NAPG: variants seen among roughly 807,000 people sequenced by gnomAD.
NAPG encodes NSF attachment protein gamma.
A neutral mutation model predicts 48.4 loss-of-function variants in NAPG; 25 were observed. The ratio of observed to expected loss-of-function variants is 0.52; its 90% CI spans 0.38 to 0.72. The LOEUF is 0.72. Among genes scored for constraint, NAPG ranks in the 30% least tolerant of loss-of-function variants. The pLI, the probability that NAPG is intolerant of heterozygous loss-of-function variation, is 0.00. For missense variants in NAPG, 359 were observed against 372.5 expected (o/e 0.96, Z 0.30); for synonymous variants, 139 against 127.2 (o/e 1.09, Z -0.62).
chr18:10,540,288 C>T, intron 7 of NAPG, 41 bp from the exon 8 acceptor site: 2 of 1,548,470 alleles, frequency 1.3e-6, no homozygotes, highest in Non-Finnish European at 1.8e-6. Context: ...AACATTTCAA[C>T]ATTAAAGCAG....
intron 1 of NAPG, among the ~76,000 whole-genome samples, chr18:10,528,224 G>A (rs1453409285): frequency 6.6e-6 from 1 of 152,084 alleles, no homozygotes; most frequent in African/African-American, 2.4e-5. Flanking sequence ...AAAAAGAAAT[G>A]TGGCAGCAGT....
intron 2 of NAPG, among the ~76,000 whole-genome samples, chr18:10,531,772 T>C (rs189824320): frequency 6.6e-6 from 1 of 152,212 alleles, no homozygotes; most frequent in Non-Finnish European, 1.5e-5. Flanking sequence ...GTGAGGGAAA[T>C]TTAACACAGA....
chr18:10,543,557 A>C lies in NAPG; in HGVS notation c.507-2769A>C, dbSNP rs1236626754. On this transcript the variant is annotated intron_variant, in intron 8 of 11. Transcript: ENST00000322897. The surrounding 1 kb of genome is among the most constrained non-coding windows in gnomAD (Gnocchi z 4.4). ...TAGTTAAAAATAGGTTTTGGAGTTCAGGAAATAGTTGGGGCCAGAGGAACA... is the reference window on the plus strand; with the variant it reads ...TAGTTAAAAATAGGTTTTGGAGTTCCGGAAATAGTTGGGGCCAGAGGAACA... 6.6e-6 allele frequency among the ~76,000 whole-genome samples: 1 copy of C among 152,248 alleles called. No homozygotes were observed. Among genetic ancestry groups the C allele is most frequent in the African/African-American group, 2.4e-5 (1 of 41,472 alleles).
rs1344753872 is a variant in NAPG at position 10,542,479 on chromosome 18, G to GC, written c.506+2080_506+2081insC. Among the ~76,000 whole-genome samples, 1 of 152,126 alleles carries GC rather than the reference G, an allele frequency of 6.6e-6. No individual in the cohort carries two copies. Among genetic ancestry groups the GC allele is most frequent in the African/African-American group, 2.4e-5 (1 of 41,430 alleles). On this transcript the variant is annotated intron_variant, in intron 8 of 11. Coordinates refer to ENST00000322897, the MANE Select transcript of NAPG (RefSeq NM_003826.3). This position sits in a 1 kb window ranked among gnomAD's most constrained non-coding sequence, Gnocchi z 4.5. ...AGTGCAGGATAAGAAAAAACATGCA[G>GC]TGTTTATAGTGATGGAGACATTATT...
chr18:10,552,254 A>C lies in NAPG; in HGVS notation c.*2034A>C, dbSNP rs2032413721. ...CAGCAGCGCAGCTATGCTTTAAACC[A>C]CACAAAAGGCTGTGTCCAGGTGCAG... On this transcript the variant is annotated 3_prime_UTR_variant, in exon 12 of 12. Transcript: ENST00000322897. 1 of 152,236 alleles carries C rather than the reference A, an allele frequency of 6.6e-6. No homozygotes were observed. Among genetic ancestry groups the C allele is most frequent in the Non-Finnish European group, 1.5e-5 (1 of 68,030 alleles). The allele number at this position is 152,236 out of a possible 1,614,324, so 9.4% of individuals were successfully genotyped here. A position where few individuals can be genotyped will look rare whatever the true frequency, so the allele number is the denominator to read the frequency against.
In NAPG at chr18:10,543,672, G is replaced by T. The variant is rs2032203250; in HGVS notation, c.507-2654G>T. On this transcript the variant is annotated intron_variant, in intron 8 of 11. Coordinates refer to ENST00000322897, the MANE Select transcript of NAPG (RefSeq NM_003826.3). This position sits in a 1 kb window ranked among gnomAD's most constrained non-coding sequence, Gnocchi z 4.4. Reference sequence around the variant, plus strand: ...TTTCTGCCATTTGCACATAACTTCTGTGGGGTTTCAATTTTGTTACATTTG... The same window carrying T: ...TTTCTGCCATTTGCACATAACTTCTTTGGGGTTTCAATTTTGTTACATTTG... 1.3e-5 allele frequency among the ~76,000 whole-genome samples: 2 copies of T among 152,174 alleles called. No individual in the cohort carries two copies. The highest frequency in any genetic ancestry group is 1.3e-4 in the Admixed American group (2 of 15,278).
Position 10,550,317 on chromosome 18 carries a change from A to C in NAPG, c.*97A>C. 1 of 1,329,370 alleles carries C rather than the reference A, an allele frequency of 7.5e-7. No homozygotes were observed. Among genetic ancestry groups the C allele is most frequent in the Non-Finnish European group, 1.0e-6 (1 of 1,005,022 alleles). 82.3% of individuals were successfully genotyped at this position (1,329,370 alleles called of 1,614,324 possible). On this transcript the variant is annotated 3_prime_UTR_variant, in exon 12 of 12. Coordinates refer to ENST00000322897, the MANE Select transcript of NAPG (RefSeq NM_003826.3). ...AGATTAGGGATATCCGTACTTCATT[A>C]CAGTCATGATTTTGGATCCTAATAA...
At chr18:10,538,036 A>G (rs2032070967) in intron 5 of NAPG, among the ~76,000 whole-genome samples, 1 of 152,154 alleles carries the variant, frequency 6.6e-6, no homozygotes. Context: ...GTCAACACTA[A>G]ATAAGTTGCT....
Position 10,526,061 on chromosome 18 carries a change from G to A in NAPG, c.-42G>A. On this transcript the variant is annotated 5_prime_UTR_variant, in exon 1 of 12. Transcript: ENST00000322897. Reference sequence around the variant, plus strand: ...CGGATTCTTGGCGCCGGAGGAAGAGGCAGGGTCACCCTCTCTCCACGTCAG... The same window carrying A: ...CGGATTCTTGGCGCCGGAGGAAGAGACAGGGTCACCCTCTCTCCACGTCAG... 2.5e-6 allele frequency: 4 copies of A among 1,592,020 alleles called. No individual in the cohort carries two copies. Among genetic ancestry groups the A allele is most frequent in the Non-Finnish European group, 3.4e-6 (4 of 1,160,488 alleles).
In NAPG at chr18:10,552,384, T is replaced by A. The variant is rs1248789714; in HGVS notation, c.*2164T>A. On this transcript the variant is annotated 3_prime_UTR_variant, in exon 12 of 12. Transcript: ENST00000322897. ...TGTGGTAAGGAATATTTGTTTCACA[T>A]TTATACATTTTCTTTTTCCACTCAC... The A allele has an allele frequency of 6.6e-6, 1 of 152,228 alleles. No homozygotes were observed. The highest frequency in any genetic ancestry group is 1.5e-5 in the Non-Finnish European group (1 of 68,038). 9.4% of individuals were successfully genotyped at this position (152,228 alleles called of 1,614,324 possible). A position where few individuals can be genotyped will look rare whatever the true frequency, so the allele number is the denominator to read the frequency against.
At position 10,530,846 on chromosome 18, in the gene NAPG, G is replaced by C. The variant is rs1184821225; in HGVS notation, c.124+9G>C. On this transcript the variant is annotated intron_variant, in intron 2 of 11. Transcript: ENST00000322897. Reference sequence around the variant, plus strand: ...TGAATATGGAAAAGCAGGTATTTTTGACTATAGTCCAGTTGCTCCAGTATG... The same window carrying C: ...TGAATATGGAAAAGCAGGTATTTTTCACTATAGTCCAGTTGCTCCAGTATG... 6.4e-7 allele frequency: 1 copy of C among 1,565,878 alleles called. No homozygotes were observed. Among genetic ancestry groups the C allele is most frequent in the Admixed American group, 1.9e-5 (1 of 52,074 alleles).
Position 10,550,240 on chromosome 18 carries a change from A to G in NAPG, c.*20A>G. 1 of 1,564,034 alleles carries G rather than the reference A, an allele frequency of 6.4e-7. No individual in the cohort carries two copies. The highest frequency in any genetic ancestry group is 2.0e-5 in the Admixed American group (1 of 50,934). On this transcript the variant is annotated 3_prime_UTR_variant, in exon 12 of 12. Transcript: ENST00000322897. The stretch of plus-strand genomic sequence containing the variant: ...TGCTAGTATTTTGCTTGCTGAAAAG[A>G]AAAGGGAAACAAAGGTAAAATCCTG...
chr18:10,526,630 C>T (rs1380457492), intron 1 of NAPG: 1 of 161,060 alleles, frequency 6.2e-6, no homozygotes, highest in Non-Finnish European at 1.4e-5. Context: ...AGAAGAGCCC[C>T]CTGTGTGGAG....
intron 1 of NAPG, 103 bp from the exon 2 acceptor site, chr18:10,530,667 C>T (rs1598409056): frequency 4.2e-6 from 2 of 480,564 alleles, no homozygotes; most frequent in Non-Finnish European, 6.5e-6. Context: ...ATGGTTTCTC[C>T]TTTTTTTTTT....
At chr18:10,537,849 G>C (rs2032067861) in intron 5 of NAPG, among the ~76,000 whole-genome samples, 1 of 152,170 alleles carries the variant, frequency 6.6e-6, no homozygotes. Flanking sequence ...CTTTCAGTCT[G>C]TGTTATTGTT....
In NAPG at chr18:10,530,754, G is replaced by GT; in HGVS notation, c.57-9dup. ...GTGGTTGGTAACTCCTGTTAACTGT[G>GT]TTTTTTTCATTCTAGCCTGAAAACT... On this transcript the variant is annotated splice_polypyrimidine_tract_variant and intron_variant, in intron 1 of 11. Transcript: ENST00000322897. The GT allele has an allele frequency of 1.3e-6, 2 of 1,528,022 alleles. No individual in the cohort carries two copies. Among genetic ancestry groups the GT allele is most frequent in the Non-Finnish European group, 8.8e-7 (1 of 1,133,642 alleles). The allele number at this position is 1,528,022 out of a possible 1,614,324, so 94.7% of individuals were successfully genotyped here.
intron 3 of NAPG, chr18:10,533,267 A>G (rs2031967279): frequency 5.6e-6 from 2 of 356,944 alleles, no homozygotes; most frequent in East Asian, 8.9e-5. Context: ...TGTAGTCATA[A>G]TAACTTTGTA....
chr18:10,545,453 G>T (rs2032243331), intron 8 of NAPG, among the ~76,000 whole-genome samples: 2 of 152,222 alleles, frequency 1.3e-5, no homozygotes, highest in Non-Finnish European at 2.9e-5. Context: ...GCTGTTGGTT[G>T]TGTGTATTCC....
intron 9 of NAPG, among the ~76,000 whole-genome samples, chr18:10,547,693 G>A (rs2032297577): frequency 6.6e-6 from 1 of 152,252 alleles, no homozygotes; most frequent in African/African-American, 2.4e-5. Flanking sequence ...AGATAGATCA[G>A]TAAAAGTTAC....
Sources: allele counts gnomAD v4.1 joint callset (sites outside exome capture counted in the v4.1 genomes callset), GRCh38; gene constraint gnomAD v4.1.1; non-coding constraint Gnocchi (gnomAD v3.1); transcripts MANE v1.5; gene names NCBI Gene and HGNC (gene_info 2026-07-23, HGNC 2026-07-21).